Variants in NAV2 observed in about 807,000 individuals in gnomAD.
The protein encoded by NAV2 is helicase, APC down-regulated 1.
NAV2 carries 54 observed loss-of-function variants against 223.2 expected under a neutral mutation model. That is an observed-to-expected ratio of 0.24 (90% CI 0.19 to 0.30). The LOEUF (loss-of-function observed/expected upper bound fraction) is 0.30, where lower values mean the gene tolerates loss of function less well. Ranked by LOEUF, NAV2 falls within the 10% of genes least tolerant of loss-of-function variation. The probability of loss-of-function intolerance (pLI) is 1.00; values close to 1 mark genes in which losing one functional copy is unlikely to be tolerated. For missense variants in NAV2, 2,806 were observed against 3,147.5 expected (o/e 0.89, Z 2.60); for synonymous variants, 1,279 against 1,239.3 (o/e 1.03, Z -0.67).
At chr11:19,927,796 A>G (rs1686705492) in intron 6 of NAV2, among the ~76,000 whole-genome samples, 1 of 152,226 alleles carries the variant, frequency 6.6e-6, no homozygotes, top group Admixed American at 6.5e-5. Flanking sequence ...TATACATAAT[A>G]AGAGTATATC....
At chr11:19,873,484 T>C (rs1319433290) in intron 4 of NAV2, among the ~76,000 whole-genome samples, 1 of 152,068 alleles carries the variant, frequency 6.6e-6, no homozygotes, top group Non-Finnish European at 1.5e-5. Context: ...CTTGCAGACA[T>C]TGGATAAACA....
chr11:19,695,548 T>C (rs2049305558), intron 1 of NAV2, among the ~76,000 whole-genome samples: 1 of 152,078 alleles, frequency 6.6e-6, no homozygotes, highest in Non-Finnish European at 1.5e-5. Flanking sequence ...AGCTGGAAAA[T>C]GTGTTCCTTA....
chr11:20,079,245 T>A (rs1422467772), intron 24 of NAV2, among the ~76,000 whole-genome samples: 4 of 152,308 alleles, frequency 2.6e-5, no homozygotes, highest in Non-Finnish European at 2.9e-5. Flanking sequence ...TTCACCATGT[T>A]GGCCAGGCTG....
chr11:20,050,897 A>G (rs1389813550), intron 16 of NAV2, among the ~76,000 whole-genome samples: 1 of 152,246 alleles, frequency 6.6e-6, no homozygotes, highest in Admixed American at 6.5e-5. Flanking sequence ...TTAGGGGTGC[A>G]GGGAAGTGGG....
chr11:19,455,316 G>T (rs1384935052), intron 1 of NAV2, among the ~76,000 whole-genome samples: 3 of 152,208 alleles, frequency 2.0e-5, no homozygotes, highest in Non-Finnish European at 4.4e-5. Context: ...TTGGAGACCA[G>T]CTTGGAGTCT....
At chr11:19,815,623 G>C (rs1490213011) in intron 1 of NAV2, among the ~76,000 whole-genome samples, 1 of 152,126 alleles carries the variant, frequency 6.6e-6, no homozygotes, top group Non-Finnish European at 1.5e-5. Context: ...TCTTCATCGT[G>C]GTCATCTGAA....
Position 20,083,010 on chromosome 11 carries a change from C to T in NAV2, c.5329C>T (p.Arg1777Cys), listed in dbSNP as rs754222061. ...SKKKKRKNWLRSSFKQAFGKK... is the reference protein window; with the variant it reads ...SKKKKRKNWLCSSFKQAFGKK... ...ACTGACAGTCTTGTATATTCAGTTA[C>T]GCAGCTCCTTCAAGCAAGCTTTCGG... The change falls in exon 26 of 38, where the codon CGC (arginine) becomes TGC (cysteine). Residue 1777 changes from arginine (R) to cysteine (C), a missense_variant. Arg to Cys is a radical substitution (Grantham distance 180, BLOSUM62 -3). Transcript: ENST00000349880. 2.0e-5 allele frequency: 32 copies of T among 1,611,522 alleles called. No individual in the cohort carries two copies. The highest frequency in any genetic ancestry group is 3.3e-5 in the Admixed American group (2 of 59,890).
chr11:19,479,502 C>T (rs2042217103), intron 1 of NAV2, among the ~76,000 whole-genome samples: 1 of 152,142 alleles, frequency 6.6e-6, no homozygotes, highest in East Asian at 1.9e-4. Flanking sequence ...ATTCCCACCA[C>T]TCAGGAGGGC....
intron 6 of NAV2, among the ~76,000 whole-genome samples, chr11:19,925,804 T>G (rs966656034): frequency 1.3e-5 from 2 of 152,120 alleles, no homozygotes; most frequent in African/African-American, 4.8e-5. Flanking sequence ...GAATATCCAG[T>G]TTTTCCACCA....
At chr11:19,912,030 C>T (rs541988323) in intron 6 of NAV2, among the ~76,000 whole-genome samples, 1 of 152,298 alleles carries the variant, frequency 6.6e-6, no homozygotes, top group Non-Finnish European at 1.5e-5. Flanking sequence ...TGATGGATTG[C>T]AGGCATTTCA....
At chr11:19,748,717 G>T (rs1034942844) in intron 1 of NAV2, among the ~76,000 whole-genome samples, 1 of 144,074 alleles carries the variant, frequency 6.9e-6, no homozygotes, top group African/African-American at 2.6e-5. Context: ...CTCAATGAAT[G>T]GTAGTGTTAA....
At chr11:19,651,081 C>T (rs1444873151) in intron 1 of NAV2, among the ~76,000 whole-genome samples, 1 of 152,276 alleles carries the variant, frequency 6.6e-6, no homozygotes, top group East Asian at 1.9e-4. Flanking sequence ...AGTCACACAG[C>T]TCTGATGGCC....
chr11:20,081,682 G>A (rs1037956584), intron 25 of NAV2, among the ~76,000 whole-genome samples: 1 of 152,122 alleles, frequency 6.6e-6, no homozygotes, highest in African/African-American at 2.4e-5. Flanking sequence ...CCCACAAGCT[G>A]GACATGTGGT....
chr11:19,643,584 T>A (rs2047728402), intron 1 of NAV2, among the ~76,000 whole-genome samples: 1 of 152,194 alleles, frequency 6.6e-6, no homozygotes, highest in South Asian at 2.1e-4. Context: ...TTAGGGTTGG[T>A]TCCAAGTCTT....
chr11:19,694,855 A>G (rs1374999574), intron 1 of NAV2, among the ~76,000 whole-genome samples: 3 of 152,150 alleles, frequency 2.0e-5, no homozygotes, highest in Admixed American at 6.5e-5. Flanking sequence ...TCTAGGTTGG[A>G]AAAAAGGCCT....
chr11:19,862,878 A>G (rs1429066728), intron 3 of NAV2, among the ~76,000 whole-genome samples: 1 of 152,216 alleles, frequency 6.6e-6, no homozygotes, highest in Non-Finnish European at 1.5e-5. Flanking sequence ...GCATTTCCCT[A>G]AAGTTCATTT....
At chr11:19,999,404 T>C (rs1048805131) in intron 11 of NAV2, among the ~76,000 whole-genome samples, 2 of 152,212 alleles carry the variant, frequency 1.3e-5, no homozygotes, top group Non-Finnish European at 2.9e-5. Flanking sequence ...GTTTTGCTCT[T>C]GTCACCCAGG....
intron 1 of NAV2, among the ~76,000 whole-genome samples, chr11:19,726,258 A>G (rs1264823444): frequency 6.6e-6 from 1 of 152,188 alleles, no homozygotes; most frequent in Non-Finnish European, 1.5e-5. Flanking sequence ...GTGTCAGACT[A>G]AAAAAGGAGG....
chr11:19,498,122 G>A (rs2042856049), intron 1 of NAV2, among the ~76,000 whole-genome samples: 1 of 152,212 alleles, frequency 6.6e-6, no homozygotes, highest in Non-Finnish European at 1.5e-5. Flanking sequence ...CAGGCTCTGA[G>A]CACTCTGCGT....
Sources: allele counts gnomAD v4.1 joint callset (sites outside exome capture counted in the v4.1 genomes callset), GRCh38; gene constraint gnomAD v4.1.1; transcripts MANE v1.5; gene names NCBI Gene and HGNC (gene_info 2026-07-23, HGNC 2026-07-21).